Variants in SCN4A observed in about 807,000 individuals in gnomAD.
The protein encoded by SCN4A is sodium channel protein type 4 subunit alpha.
SCN4A carries 83 observed loss-of-function variants against 162.0 expected under a neutral mutation model. The ratio of observed to expected loss-of-function variants is 0.51; its 90% CI spans 0.43 to 0.61. SCN4A has a LOEUF of 0.61. Among genes scored for constraint, SCN4A ranks in the 20% least tolerant of loss-of-function variants. The pLI, the probability that SCN4A is intolerant of heterozygous loss-of-function variation, is 0.00. For synonymous variants in SCN4A, 944 were observed against 985.1 expected (o/e 0.96, Z 0.78); for missense variants, 2,196 against 2,462.5 (o/e 0.89, Z 2.29).
intron 5 of SCN4A, 45 bp from the exon 6 acceptor site, chr17:63,968,400 G>C: frequency 1.3e-6 from 2 of 1,509,262 alleles, no homozygotes; most frequent in Non-Finnish European, 1.8e-6. Context: ...GCAGGGCAGG[G>C]TGATAACAGA....
At position 63,941,726 on chromosome 17, in the gene SCN4A, A is replaced by G; in HGVS notation, c.4556T>C (p.Phe1519Ser). 1 of 1,614,064 alleles carries G rather than the reference A, an allele frequency of 6.2e-7. No homozygotes were observed. The highest frequency in any genetic ancestry group is 2.2e-5 in the East Asian group (1 of 44,864). The change falls in exon 24 of 24, where the codon TTC (phenylalanine) becomes TCC (serine). Residue 1519 changes from phenylalanine (F) to serine (S), a missense_variant. Transcript: ENST00000435607. The surrounding 1 kb of genome is among the most constrained non-coding windows in gnomAD (Gnocchi z 6.2). ...GATGATGCTGTTGCCGAAGGTCTCG[A>G]AGTTGAACATATCATCGATGCCCGA... ...KESGIDDMFN[F>S]ETFGNSIICL... is the part of the protein sequence containing the mutation.
rs1908471641 is a variant in SCN4A, at chr17:63,940,090, GTGGC to G, written c.*677_*680del. On this transcript the variant is annotated 3_prime_UTR_variant, in exon 24 of 24. Transcript: ENST00000435607. ...AGCCAGGGGAGCTACGGACCTGGAC[GTGGC>G]CTAGGAAGAGGTTTCAGGAGTCACC... 1 of 152,264 alleles carries G rather than the reference GTGGC, an allele frequency of 6.6e-6. No individual in the cohort carries two copies. Among genetic ancestry groups the G allele is most frequent in the Non-Finnish European group, 1.5e-5 (1 of 68,070 alleles). 9.4% of individuals were successfully genotyped at this position (152,264 alleles called of 1,614,324 possible).
chr17:63,942,597 G>A (rs976562718), intron 23 of SCN4A, among the ~76,000 whole-genome samples: 1 of 152,254 alleles, frequency 6.6e-6, no homozygotes, highest in African/African-American at 2.4e-5. Flanking sequence ...CTGAGTGCAC[G>A]TCTTCTGGTC....
In SCN4A at chr17:63,957,385, C is replaced by T. The variant is rs2144793164; in HGVS notation, c.2153G>A (p.Gly718Asp). Residue 718 changes from glycine (G) to aspartate (D), a missense_variant, in exon 13 of 24, where the codon GGC (glycine) becomes GAC (aspartate). Gly to Asp is a moderately conservative substitution (Grantham distance 94). Transcript: ENST00000435607. ...GTAGCTCTTGCCAAACAGCTGCATG[C>T]CCACCACGGCGAAGATGAACACGAT... ...AIIVFIFAVV[G>D]MQLFGKSYKE... is the part of the protein sequence containing the mutation. 6.2e-7 allele frequency: 1 copy of T among 1,614,114 alleles called. No homozygotes were observed. Among genetic ancestry groups the T allele is most frequent in the South Asian group, 1.1e-5 (1 of 91,080 alleles).
chr17:63,970,350 TC>T (rs571519173), intron 5 of SCN4A, among the ~76,000 whole-genome samples: 18 of 152,140 alleles, frequency 1.2e-4, no homozygotes, highest in Non-Finnish European at 2.6e-4. Context: ...ACTATGAGTC[TC>T]CATATGCCAC....
In SCN4A at chr17:63,941,312, T is replaced by C. The variant is rs781186621; in HGVS notation, c.4970A>G (p.Asn1657Ser). 10 of 1,613,922 alleles carry C rather than the reference T, an allele frequency of 6.2e-6. No homozygotes were observed. The highest frequency in any genetic ancestry group is 1.7e-5 in the Admixed American group (1 of 60,016). The part of the protein sequence containing the change: ...LQEPLRIAKP[N>S]KIKLITLDLP... The stretch of plus-strand genomic sequence containing the variant: ...GTCCAGTGTGATGAGCTTGATCTTG[T>C]TGGGCTTGGCAATCCTCAGCGGTTC... Residue 1657 changes from asparagine to serine, a missense_variant, in exon 24 of 24, where the codon AAC (asparagine) becomes AGC (serine). By Grantham distance (46) the Asn-to-Ser change is conservative (BLOSUM62 1). Transcript: ENST00000435607. This position sits in a 1 kb window ranked among gnomAD's most constrained non-coding sequence, Gnocchi z 6.2.
Position 63,945,200 on chromosome 17 carries a change from G to A in SCN4A, c.3721-140C>T. 9.7e-7 allele frequency: 1 copy of A among 1,028,284 alleles called. No individual in the cohort carries two copies. Among genetic ancestry groups the A allele is most frequent in the Non-Finnish European group, 1.5e-6 (1 of 687,124 alleles). The allele number at this position is 1,028,284 out of a possible 1,614,324, so 63.7% of individuals were successfully genotyped here. ...CCCCACTGGGCTAGCATCAAATAAA[G>A]ACCAGAGAGGTCTAGACACTGCCTG... On this transcript the variant is annotated intron_variant, in intron 19 of 23. Coordinates refer to ENST00000435607, the MANE Select transcript of SCN4A (RefSeq NM_000334.4). This position sits in a 1 kb window ranked among gnomAD's most constrained non-coding sequence, Gnocchi z 4.4.
At chr17:63,964,367 A>G in intron 9 of SCN4A, 101 bp downstream of exon 9, 1 of 1,020,034 alleles carries the variant, frequency 9.8e-7, no homozygotes, top group Non-Finnish European at 1.5e-6. Flanking sequence ...CTACCCCTGT[A>G]CCCTCCCTCA....
At position 63,972,697 on chromosome 17, in the gene SCN4A, C is replaced by G. The variant is rs368011562; in HGVS notation, c.145G>C (p.Glu49Gln). 1 of 1,613,658 alleles carries G rather than the reference C, an allele frequency of 6.2e-7. No homozygotes were observed. Among genetic ancestry groups the G allele is most frequent in the Admixed American group, 1.7e-5 (1 of 59,978 alleles). ...LQRNKQMEIEEPERKPRSDLE... is the reference protein window; with the variant it reads ...LQRNKQMEIEQPERKPRSDLE... ...TCACTTCGTGGCTTCCGTTCGGGCT[C>G]CTCAATCTCCATCTGCTTATTCCGC... Residue 49 changes from glutamate (E) to glutamine (Q), a missense_variant, in exon 1 of 24, where the codon GAG (glutamate) becomes CAG (glutamine). Physicochemically the swap from Glu to Gln is conservative, Grantham distance 29 (BLOSUM62 2). Transcript: ENST00000435607. The surrounding 1 kb of genome is among the most constrained non-coding windows in gnomAD (Gnocchi z 4.3).
At position 63,947,178 on chromosome 17, in the gene SCN4A, G is replaced by A. The variant is rs1054300317; in HGVS notation, c.3319-11C>T. 7 of 1,612,746 alleles carry A rather than the reference G, an allele frequency of 4.3e-6. No homozygotes were observed. Among genetic ancestry groups the A allele is most frequent in the Middle Eastern group, 3.4e-4 (2 of 5,890 alleles). ...GCTGATGATGGAGACCTGCAGGGGAGGGGTGAGGGGATCAGTGCGTGCAAG... is the reference window on the plus strand; with the variant it reads ...GCTGATGATGGAGACCTGCAGGGGAAGGGTGAGGGGATCAGTGCGTGCAAG... On this transcript the variant is annotated splice_polypyrimidine_tract_variant and intron_variant, in intron 17 of 23. Transcript: ENST00000435607.
intron 22 of SCN4A, 63 bp downstream of exon 22, chr17:63,943,683 C>A: frequency 1.9e-6 from 2 of 1,062,880 alleles, no homozygotes; most frequent in Non-Finnish European, 2.9e-6. Context: ...CCTTTTACCC[C>A]CATCAGTCCC....
At chr17:63,952,820 A>G (rs777208220) in intron 13 of SCN4A, among the ~76,000 whole-genome samples, 8 of 152,076 alleles carry the variant, frequency 5.3e-5, no homozygotes, top group Non-Finnish European at 7.4e-5. Flanking sequence ...CCGTCACTGC[A>G]TGAATGGCCT....
chr17:63,966,790 C>T (rs1009943249), intron 6 of SCN4A, among the ~76,000 whole-genome samples: 3 of 152,306 alleles, frequency 2.0e-5, no homozygotes, highest in Non-Finnish European at 2.9e-5. Flanking sequence ...AAAGTCATGA[C>T]GCAGCAGTGG....
Position 63,968,321 on chromosome 17 carries a change from C to G in SCN4A, c.738G>C (p.Ser246=), listed in dbSNP as rs753221621. The change falls in exon 6 of 24, where the codon TCG becomes TCC. Residue 246 remains serine, a synonymous_variant. Coordinates refer to ENST00000435607, the MANE Select transcript of SCN4A (RefSeq NM_000334.4). ...LKTIVGALIQ[S]VKKLSDVMIL... Reference sequence around the variant, plus strand: ...TCATCACATCCGACAGCTTTTTCACCGACTGGATCAGGGCCCCCACGATCG... The same window carrying G: ...TCATCACATCCGACAGCTTTTTCACGGACTGGATCAGGGCCCCCACGATCG... The G allele has an allele frequency of 1.2e-6, 2 of 1,608,116 alleles. No individual in the cohort carries two copies. Among genetic ancestry groups the G allele is most frequent in the South Asian group, 1.1e-5 (1 of 90,684 alleles).
chr17:63,966,475 A>T lies in SCN4A; in HGVS notation c.1100+6T>A. ...TGCCTTTTCTGCATCCCTTAGCATC[A>T]CTCACCCAGCATCACTGCTGTTCCC... On this transcript the variant is annotated splice_donor_region_variant and intron_variant, in intron 7 of 23. Transcript: ENST00000435607. 6.2e-7 allele frequency: 1 copy of T among 1,612,938 alleles called. No homozygotes were observed. Among genetic ancestry groups the T allele is most frequent in the Non-Finnish European group, 8.5e-7 (1 of 1,179,230 alleles).
At position 63,951,453 on chromosome 17, in the gene SCN4A, CG is replaced by C. The variant is rs771853844; in HGVS notation, c.2823del (p.Asp942ThrfsTer99). 2 of 1,605,498 alleles carry C rather than the reference CG, an allele frequency of 1.2e-6. No individual in the cohort carries two copies. The highest frequency in any genetic ancestry group is 1.3e-5 in the African/African-American group (1 of 74,672). ...CTATCCTCAGGCTCTGAGAAAGTGT[CG>C]GTTTCCTCCTCGGTGGGCATCTCCA... ...SDLEMPTEEE[T>X]DTFSEPEDSK... On this transcript the variant is annotated frameshift_variant, in exon 14 of 24. Coordinates refer to ENST00000435607, the MANE Select transcript of SCN4A (RefSeq NM_000334.4). LOFTEE classifies it high-confidence loss of function. This position sits in a 1 kb window ranked among gnomAD's most constrained non-coding sequence, Gnocchi z 4.5.
chr17:63,956,348 C>G (rs1005057476), intron 13 of SCN4A, among the ~76,000 whole-genome samples: 2 of 152,240 alleles, frequency 1.3e-5, no homozygotes, highest in Non-Finnish European at 2.9e-5. Flanking sequence ...CTCAAACCAT[C>G]TTCCTGCCTC....
At chr17:63,969,878 A>G (rs1332052999) in intron 5 of SCN4A, among the ~76,000 whole-genome samples, 1 of 152,026 alleles carries the variant, frequency 6.6e-6, no homozygotes, top group Non-Finnish European at 1.5e-5. Flanking sequence ...CCTGACCCCA[A>G]GTGATTCACC....
In SCN4A at chr17:63,944,604, A is replaced by G; in HGVS notation, c.3912+69T>C. 1 of 1,518,956 alleles carries G rather than the reference A, an allele frequency of 6.6e-7. No homozygotes were observed. Among genetic ancestry groups the G allele is most frequent in the Non-Finnish European group, 8.9e-7 (1 of 1,120,128 alleles). 94.1% of individuals were successfully genotyped at this position (1,518,956 alleles called of 1,614,324 possible). A position where few individuals can be genotyped will look rare whatever the true frequency, so the allele number is the denominator to read the frequency against. ...CAGCGTTTGTGGGTTTGTGCAATGG[A>G]GAGTGGACAAAGGAGGCAGGAGGGA... On this transcript the variant is annotated intron_variant, in intron 21 of 23. Coordinates refer to ENST00000435607, the MANE Select transcript of SCN4A (RefSeq NM_000334.4). The surrounding 1 kb of genome is among the most constrained non-coding windows in gnomAD (Gnocchi z 4.3).
Sources: allele counts gnomAD v4.1 joint callset (sites outside exome capture counted in the v4.1 genomes callset), GRCh38; gene constraint gnomAD v4.1.1; non-coding constraint Gnocchi (gnomAD v3.1); transcripts MANE v1.5; gene names NCBI Gene and HGNC (gene_info 2026-07-23, HGNC 2026-07-21).